Variants in RIMBP2 observed in about 807,000 individuals in gnomAD.
The protein encoded by RIMBP2 is RIMS binding protein 2.
Under a neutral mutation model 118.6 loss-of-function variants are expected in RIMBP2, and 48 were observed. The ratio of observed to expected loss-of-function variants is 0.40; its 90% CI spans 0.32 to 0.51. The LOEUF (loss-of-function observed/expected upper bound fraction) is 0.51, where lower values mean the gene tolerates loss of function less well. Ranked by LOEUF, RIMBP2 falls within the 20% of genes least tolerant of loss-of-function variation. The pLI, the probability that RIMBP2 is intolerant of heterozygous loss-of-function variation, is 0.41. For missense variants in RIMBP2, 1,551 were observed against 1,768.3 expected, an observed-to-expected ratio of 0.88 and a Z score of 2.20; for synonymous variants, 762 against 742.9, an observed-to-expected ratio of 1.03 and a Z score of -0.42.
intron 4 of RIMBP2, among the ~76,000 whole-genome samples, chr12:130,502,042 G>A (rs1305811031): frequency 6.6e-6 from 1 of 152,190 alleles, no homozygotes; most frequent in Non-Finnish European, 1.5e-5. Context: ...GGTCTTCCAT[G>A]CCTCTGCCTC....
chr12:130,575,441 T>C (rs1017771904), intron 2 of RIMBP2, among the ~76,000 whole-genome samples: 2 of 151,966 alleles, frequency 1.3e-5, no homozygotes, highest in Admixed American at 6.5e-5. Flanking sequence ...TTTTAAGCAA[T>C]ATTCATGTGA....
In RIMBP2 at chr12:130,396,333, T is replaced by C. The variant is rs1340441295; in HGVS notation, c.*1028A>G. On this transcript the variant is annotated 3_prime_UTR_variant, in exon 23 of 23. Transcript: ENST00000690449. The stretch of plus-strand genomic sequence containing the variant: ...ATTCATTTATAAACCGTCCATAAAT[T>C]ACAAAAGAAAGGCAGTCTGAAAAGT... 6.6e-6 allele frequency: 1 copy of C among 152,644 alleles called. No individual in the cohort carries two copies. The highest frequency in any genetic ancestry group is 1.5e-5 in the Non-Finnish European group (1 of 68,034). 9.5% of individuals were successfully genotyped at this position (152,644 alleles called of 1,614,324 possible).
In RIMBP2 at chr12:130,565,396, A is replaced by G. The variant is rs185656437; in HGVS notation, c.-216-47479T>C. 2.6e-5 allele frequency among the ~76,000 whole-genome samples: 4 copies of G among 152,362 alleles called. No individual in the cohort carries two copies. In the East Asian group the frequency reaches 7.7e-4, roughly 29 times the overall value. ...CTTCCACTCTCAAACTAGGTATCAT[A>G]TCATTGTCAGCTGTCTCTCCCCAAT... On this transcript the variant is annotated intron_variant, in intron 2 of 22. Transcript: ENST00000690449.
rs550062560 is a variant in RIMBP2, at chr12:130,683,466, T to C, written c.-352+32756A>G. 1.8e-4 allele frequency among the ~76,000 whole-genome samples: 27 copies of C among 152,282 alleles called. No homozygotes were observed. Among genetic ancestry groups the C allele is most frequent in the African/African-American group, 6.5e-4 (27 of 41,550 alleles). ...AACTAGGAAATAAATTCTCTGGTGGTATTGTCAGAGGCATGTGAACCAGAG... is the reference window on the plus strand; with the variant it reads ...AACTAGGAAATAAATTCTCTGGTGGCATTGTCAGAGGCATGTGAACCAGAG... On this transcript the variant is annotated intron_variant, in intron 1 of 22. Transcript: ENST00000690449. The surrounding 1 kb of genome is among the most constrained non-coding windows in gnomAD (Gnocchi z 4.4).
intron 2 of RIMBP2, among the ~76,000 whole-genome samples, chr12:130,580,519 C>T (rs1193437512): frequency 2.0e-5 from 3 of 152,234 alleles, no homozygotes; most frequent in Non-Finnish European, 4.4e-5. Flanking sequence ...AAACCTCTTT[C>T]CTTTGTAAGT....
In RIMBP2 at chr12:130,442,106, C is replaced by T. The variant is rs865852906; in HGVS notation, c.1246G>A (p.Val416Met). 1.2e-6 allele frequency: 2 copies of T among 1,614,124 alleles called. No individual in the cohort carries two copies. Among genetic ancestry groups the T allele is most frequent in the Non-Finnish European group, 1.7e-6 (2 of 1,180,020 alleles). The change falls in exon 11 of 23, where the codon GTG becomes ATG. Residue 416 changes from valine (V) to methionine (M), a missense_variant. Physicochemically the swap from Val to Met is conservative, Grantham distance 21. Coordinates refer to ENST00000690449, the MANE Select transcript of RIMBP2 (RefSeq NM_001393629.1). This position sits in a 1 kb window ranked among gnomAD's most constrained non-coding sequence, Gnocchi z 6.9. The stretch of plus-strand genomic sequence containing the variant: ...GCGGAGATCTGCGTGATGTTGTCCA[C>T]CCGCAGGTGGGAGGGGGCCACCACC... ...DVVVAPSHLR[V>M]DNITQISAQL...
chr12:130,481,795 G>T (rs1388356615), intron 4 of RIMBP2, among the ~76,000 whole-genome samples: 1 of 152,134 alleles, frequency 6.6e-6, no homozygotes, highest in Non-Finnish European at 1.5e-5. Context: ...GAAGCCCTGG[G>T]TATTTGCTGC....
In RIMBP2 at chr12:130,442,611, G is replaced by A; in HGVS notation, c.741C>T (p.Asp247=). The A allele has an allele frequency of 6.2e-7, 1 of 1,614,208 alleles. No individual in the cohort carries two copies. Among genetic ancestry groups the A allele is most frequent in the African/African-American group, 1.3e-5 (1 of 75,052 alleles). ...ACCGCGACTCGTTGTCCTGCACAAAGTCCACGAAGTTGGAGGGCACCAGAC... is the reference window on the plus strand; with the variant it reads ...ACCGCGACTCGTTGTCCTGCACAAAATCCACGAAGTTGGAGGGCACCAGAC... The part of the protein sequence containing the change: ...QRGLVPSNFV[D]FVQDNESRLA... The change falls in exon 11 of 23, where the codon GAC becomes GAT. Residue 247 remains aspartate (D), a synonymous_variant. Coordinates refer to ENST00000690449, the MANE Select transcript of RIMBP2 (RefSeq NM_001393629.1). The surrounding 1 kb of genome is among the most constrained non-coding windows in gnomAD (Gnocchi z 6.9).
chr12:130,442,720 C>T lies in RIMBP2; in HGVS notation c.692-60G>A. On this transcript the variant is annotated intron_variant, in intron 10 of 22. Transcript: ENST00000690449. This position sits in a 1 kb window ranked among gnomAD's most constrained non-coding sequence, Gnocchi z 6.9. Reference sequence around the variant, plus strand: ...AACACAGCAGGGGCCTCGAGGCCCCCAGTGTACTCCCACCTCCCCCACCAG... The same window carrying T: ...AACACAGCAGGGGCCTCGAGGCCCCTAGTGTACTCCCACCTCCCCCACCAG... 7.2e-7 allele frequency: 1 copy of T among 1,379,634 alleles called. No individual in the cohort carries two copies. Among genetic ancestry groups the T allele is most frequent in the Non-Finnish European group, 1.0e-6 (1 of 996,892 alleles). 85.5% of individuals were successfully genotyped at this position (1,379,634 alleles called of 1,614,324 possible).
chr12:130,459,060 CAA>C (rs60045172), intron 6 of RIMBP2, among the ~76,000 whole-genome samples: 8 of 140,624 alleles, frequency 5.7e-5, no homozygotes, highest in Non-Finnish European at 7.7e-5. Context: ...AAAAAAAAAA[CAA>C]AAAAAAAGTG....
chr12:130,503,203 A>G (rs1184679745), intron 4 of RIMBP2, among the ~76,000 whole-genome samples: 3 of 151,324 alleles, frequency 2.0e-5, no homozygotes, highest in Admixed American at 6.6e-5. Flanking sequence ...ACCAGCCAAC[A>G]TCGCAAAACC....
Position 130,701,390 on chromosome 12 carries a change from A to G in RIMBP2, c.-352+14832T>C, listed in dbSNP as rs1332067525. Among the ~76,000 whole-genome samples, 5 of 152,326 alleles carry G rather than the reference A, an allele frequency of 3.3e-5. No individual in the cohort carries two copies. The East Asian group carries it at 9.6e-4, about 29-fold the overall frequency. On this transcript the variant is annotated intron_variant, in intron 1 of 22. Coordinates refer to ENST00000690449, the MANE Select transcript of RIMBP2 (RefSeq NM_001393629.1). ...ACGTGGCACTTTCTGCCTTACACTC[A>G]GCTTACATCACACGTGGAACTGCTT...
At position 130,409,332 on chromosome 12, in the gene RIMBP2, C is replaced by CTTTT. The variant is rs35015661; in HGVS notation, c.3590-1507_3590-1504dup. On this transcript the variant is annotated intron_variant, in intron 19 of 22. Transcript: ENST00000690449. The stretch of plus-strand genomic sequence containing the variant: ...TAAAAGGGACTCATACAAAATGTAG[C>CTTTT]TTTTTTTTTTTTTTTTTTTTTTTTT... Among the ~76,000 whole-genome samples, 28 of 65,384 alleles carry CTTTT rather than the reference C, an allele frequency of 4.3e-4. 2 individuals are homozygous for CTTTT. The highest frequency in any genetic ancestry group is 6.1e-4 in the Non-Finnish European group (21 of 34,632). 42.9% of individuals were successfully genotyped at this position (65,384 alleles called of 152,430 possible).
intron 2 of RIMBP2, among the ~76,000 whole-genome samples, chr12:130,574,266 T>TG (rs150753203): frequency 0.036 from 5,508 of 152,036 alleles, 233 homozygotes; most frequent in East Asian, 0.17. Context: ...GCTGTCCTGT[T>TG]GGGGGGGTGG....
chr12:130,585,693 A>G (rs2058839823), intron 2 of RIMBP2, among the ~76,000 whole-genome samples: 1 of 152,120 alleles, frequency 6.6e-6, no homozygotes. Flanking sequence ...CATCTTTTGA[A>G]AAATCCAAAG....
intron 2 of RIMBP2, among the ~76,000 whole-genome samples, chr12:130,612,929 G>A (rs1350761095): frequency 5.9e-5 from 7 of 118,652 alleles, no homozygotes; most frequent in Non-Finnish European, 1.2e-4. Context: ...AGGACCTCCC[G>A]GGTAACCCCG....
chr12:130,458,718 C>T (rs1386820002), intron 6 of RIMBP2, among the ~76,000 whole-genome samples: 2 of 110,688 alleles, frequency 1.8e-5, no homozygotes, highest in Non-Finnish European at 4.0e-5. Context: ...AACTGGCACA[C>T]CCATTCCCTA....
intron 18 of RIMBP2, among the ~76,000 whole-genome samples, chr12:130,413,384 C>G (rs2075867748): frequency 6.6e-6 from 1 of 152,126 alleles, no homozygotes; most frequent in Admixed American, 6.5e-5. Flanking sequence ...AATCCCAGCA[C>G]TTTGGGAGGC....
At chr12:130,631,215 T>A (rs1327222113) in intron 1 of RIMBP2, among the ~76,000 whole-genome samples, 1 of 152,164 alleles carries the variant, frequency 6.6e-6, no homozygotes, top group African/African-American at 2.4e-5. Context: ...AATCAGGCTA[T>A]TAATAACTCC....
Sources: allele counts gnomAD v4.1 joint callset (sites outside exome capture counted in the v4.1 genomes callset), GRCh38; gene constraint gnomAD v4.1.1; non-coding constraint Gnocchi (gnomAD v3.1); transcripts MANE v1.5; gene names NCBI Gene and HGNC (gene_info 2026-07-23, HGNC 2026-07-21).